Variants in TNRC18 observed in about 807,000 individuals in gnomAD.
The protein encoded by TNRC18 is trinucleotide repeat containing 18.
Under a neutral mutation model 226.7 loss-of-function variants are expected in TNRC18, and 69 were observed. The ratio of observed to expected loss-of-function variants is 0.30; its 90% confidence interval spans 0.25 to 0.37. The LOEUF (loss-of-function observed/expected upper bound fraction) is 0.37. Among genes scored for constraint, TNRC18 ranks in the 10% least tolerant of loss-of-function variants. TNRC18 has a pLI of 1.00. For synonymous variants in TNRC18, 2,449 were observed against 1,927.6 expected (o/e 1.27, Z -7.09); for missense variants, 4,754 against 4,256.6 (o/e 1.12, Z -3.25).
intron 10 of TNRC18, among the ~76,000 whole-genome samples, chr7:5,373,213 G>A (rs1280230519): frequency 6.6e-6 from 1 of 152,130 alleles, no homozygotes; most frequent in African/African-American, 2.4e-5. Flanking sequence ...GGTCCCAGCT[G>A]CTTGAGAGGC....
Position 5,312,490 on chromosome 7 carries a change from C to A in TNRC18, c.8388+13G>T, listed in dbSNP as rs759231738. The A allele has an allele frequency of 3.1e-5, 50 of 1,609,180 alleles. No individual in the cohort carries two copies. Among genetic ancestry groups the A allele is most frequent in the Middle Eastern group, 2.2e-4 (1 of 4,586 alleles). On this transcript the variant is annotated intron_variant, in intron 27 of 29. Coordinates refer to ENST00000430969, the MANE Select transcript of TNRC18 (RefSeq NM_001080495.3). This position sits in a 1 kb window ranked among gnomAD's most constrained non-coding sequence, Gnocchi z 6.3. Reference sequence around the variant, plus strand: ...CCGGCCCCTCGGCCGTGCCCGGGCGCGAGCTTGCTCACCTGGGTGGGCTTG... The same window carrying A: ...CCGGCCCCTCGGCCGTGCCCGGGCGAGAGCTTGCTCACCTGGGTGGGCTTG...
chr7:5,337,268 T>C (rs563437474), intron 18 of TNRC18, among the ~76,000 whole-genome samples: 64 of 151,604 alleles, frequency 4.2e-4, no homozygotes, highest in South Asian at 1.9e-3. Context: ...CAAAATTCTA[T>C]ATCCAGTAAA....
Position 5,362,051 on chromosome 7 carries a change from AGAG to A in TNRC18, c.4396-21_4396-19del, listed in dbSNP as rs772319181. On this transcript the variant is annotated intron_variant, in intron 12 of 29. Transcript: ENST00000430969. Reference sequence around the variant, plus strand: ...GCATACATCTGGGGGAAGAACCGGGAGAGGAGGAGGGGGTGAGGATGCCACTGC... The same window carrying A: ...GCATACATCTGGGGGAAGAACCGGGAGAGGAGGGGGTGAGGATGCCACTGC... The A allele has an allele frequency of 3.7e-6, 6 of 1,610,648 alleles. No homozygotes were observed. The highest frequency in any genetic ancestry group is 3.3e-5 in the Admixed American group (2 of 59,706).
chr7:5,356,473 G>C (rs1000146322), intron 16 of TNRC18, among the ~76,000 whole-genome samples: 2 of 152,232 alleles, frequency 1.3e-5, no homozygotes, highest in African/African-American at 4.8e-5. Flanking sequence ...CGCAACAGAC[G>C]GCATGCTTCC....
chr7:5,394,507 C>A lies in TNRC18; in HGVS notation c.276G>T (p.Leu92=). The change falls in exon 3 of 30, where the codon CTG becomes CTT. Residue 92 remains leucine, a synonymous_variant. Coordinates refer to ENST00000430969, the MANE Select transcript of TNRC18 (RefSeq NM_001080495.3). This position sits in a 1 kb window ranked among gnomAD's most constrained non-coding sequence, Gnocchi z 4.5. ...TGCTAGGGGTTGGGGAGCGGAAAGACAGGTCAGAGGGCAGTGGCACTGGGC... is the reference window on the plus strand; with the variant it reads ...TGCTAGGGGTTGGGGAGCGGAAAGAAAGGTCAGAGGGCAGTGGCACTGGGC... ...HGSPVPLPSD[L]SFRSPTPSNL... is the part of the protein sequence containing the mutation. 1 of 1,557,756 alleles carries A rather than the reference C, an allele frequency of 6.4e-7. No homozygotes were observed. Among genetic ancestry groups the A allele is most frequent in the Non-Finnish European group, 8.7e-7 (1 of 1,152,692 alleles).
intron 2 of TNRC18, 170 bp downstream of exon 2, chr7:5,420,890 C>CGGGGCCGCCGGA: frequency 1.2e-6 from 1 of 867,166 alleles, no homozygotes; most frequent in Middle Eastern, 2.1e-4. Context: ...TCTCCACCGC[C>CGGGGCCGCCGGA]TTGGCTCCGG....
At position 5,388,050 on chromosome 7, in the gene TNRC18, T is replaced by G; in HGVS notation, c.1774A>C (p.Ser592Arg). 6.4e-7 allele frequency: 1 copy of G among 1,561,892 alleles called. No homozygotes were observed. Among genetic ancestry groups the G allele is most frequent in the Non-Finnish European group, 8.7e-7 (1 of 1,153,838 alleles). ...ASAMQSLIKY[S>R]GSFARDAVAV... is the part of the protein sequence containing the mutation. ...ACGGCGTCCCGGGCAAAGCTGCCAC[T>G]GTACTTTATAAGGCTCTGCATGGCC... Residue 592 changes from serine (S) to arginine (R), a missense_variant, in exon 5 of 30, where the codon AGT becomes CGT. By Grantham distance (110) the Ser-to-Arg change is moderately radical. Coordinates refer to ENST00000430969, the MANE Select transcript of TNRC18 (RefSeq NM_001080495.3).
intron 17 of TNRC18, among the ~76,000 whole-genome samples, chr7:5,349,609 C>A (rs1183430274): frequency 6.6e-6 from 1 of 152,190 alleles, no homozygotes; most frequent in Non-Finnish European, 1.5e-5. Flanking sequence ...TACGGAGCAA[C>A]GAGCCAGGCT....
chr7:5,404,037 G>A (rs1197688962), intron 2 of TNRC18, among the ~76,000 whole-genome samples: 1 of 152,180 alleles, frequency 6.6e-6, no homozygotes, highest in African/African-American at 2.4e-5. Context: ...CAAAGAATGG[G>A]TTAACACTCT....
intron 22 of TNRC18, 137 bp downstream of exon 22, chr7:5,320,936 G>C: frequency 1.5e-6 from 1 of 681,406 alleles, no homozygotes; most frequent in East Asian, 2.8e-5. Flanking sequence ...TCAGCTCTGA[G>C]CCCACTCATG....
rs1786653122 is a variant in TNRC18, at chr7:5,307,412, T to C, written c.*694A>G. On this transcript the variant is annotated 3_prime_UTR_variant, in exon 30 of 30. Transcript: ENST00000430969. ...CTCCTGGGTGGGGAGGGGCCAGGCG[T>C]GGCCGGGCGACAGTTTCAGCACCAT... The C allele has an allele frequency of 3.1e-6, 1 of 322,780 alleles. No individual in the cohort carries two copies. Among genetic ancestry groups the C allele is most frequent in the Non-Finnish European group, 6.4e-6 (1 of 156,698 alleles). 20.0% of individuals were successfully genotyped at this position (322,780 alleles called of 1,614,324 possible).
intron 5 of TNRC18, among the ~76,000 whole-genome samples, chr7:5,382,634 C>G (rs867775032): frequency 6.6e-6 from 1 of 152,328 alleles, no homozygotes. Flanking sequence ...CCAGCCGCCC[C>G]CTGTGAAGCT....
chr7:5,357,505 A>G lies in TNRC18; in HGVS notation c.4834-229T>C, dbSNP rs543337447. 5.3e-5 allele frequency among the ~76,000 whole-genome samples: 8 copies of G among 152,054 alleles called. No individual in the cohort carries two copies. The East Asian group carries it at 9.7e-4, about 18-fold the overall frequency. Reference sequence around the variant, plus strand: ...CGGCTCACTGCAACCTCCACCTCCCAGGTCCAAGCATTTCTCCTGCCTCAG... The same window carrying G: ...CGGCTCACTGCAACCTCCACCTCCCGGGTCCAAGCATTTCTCCTGCCTCAG... On this transcript the variant is annotated intron_variant, in intron 15 of 29. Transcript: ENST00000430969.
rs972144664 is a variant in TNRC18, at chr7:5,317,945, C to T, written c.6746-1873G>A. 1.8e-4 allele frequency among the ~76,000 whole-genome samples: 28 copies of T among 151,806 alleles called. 1 individual carries two copies. Among genetic ancestry groups the T allele is most frequent in the Non-Finnish European group, 5.9e-5 (4 of 67,968 alleles). Reference sequence around the variant, plus strand: ...AGTGCAGCGGTGTGATCTCGGCTCACTGCAACCTCTACTTCCCGGGTTCAG... The same window carrying T: ...AGTGCAGCGGTGTGATCTCGGCTCATTGCAACCTCTACTTCCCGGGTTCAG... On this transcript the variant is annotated intron_variant, in intron 24 of 29. Coordinates refer to ENST00000430969, the MANE Select transcript of TNRC18 (RefSeq NM_001080495.3).
chr7:5,390,674 T>A, intron 3 of TNRC18, 46 bp from the exon 4 acceptor site: 1 of 1,459,354 alleles, frequency 6.9e-7, no homozygotes, highest in Non-Finnish European at 9.1e-7. Flanking sequence ...TTCGTGCTGC[T>A]CACCAGGAGC....
At chr7:5,412,704 T>C (rs1212643473) in intron 2 of TNRC18, among the ~76,000 whole-genome samples, 1 of 152,222 alleles carries the variant, frequency 6.6e-6, no homozygotes, top group African/African-American at 2.4e-5. Context: ...AGTCATCACA[T>C]GCCCTTTAAC....
intron 18 of TNRC18, 45 bp downstream of exon 18, chr7:5,345,517 G>GCCCCCCCCCCCCCCCCCCCCCCCCCCCC: frequency 1.3e-5 from 5 of 377,744 alleles, no homozygotes; most frequent in Non-Finnish European, 2.4e-5. Context: ...AATGGCGTCC[G>GCCCCCCCCCCCCCCCCCCCCCCCCCCCC]CCCCTCCCAC....
rs1282209433 is a variant in TNRC18 at position 5,309,481 on chromosome 7, A to G, written c.8389-113T>C. ...GCCCTCGGCCTCTAAATCAACCCCT[A>G]TCCAACTGTGGGGAGATGAGGAAGC... On this transcript the variant is annotated intron_variant, in intron 27 of 29. Coordinates refer to ENST00000430969, the MANE Select transcript of TNRC18 (RefSeq NM_001080495.3). The surrounding 1 kb of genome is among the most constrained non-coding windows in gnomAD (Gnocchi z 5.7). 2 of 851,568 alleles carry G rather than the reference A, an allele frequency of 2.3e-6. No homozygotes were observed. Among genetic ancestry groups the G allele is most frequent in the Non-Finnish European group, 3.6e-6 (2 of 552,808 alleles). 52.8% of individuals were successfully genotyped at this position (851,568 alleles called of 1,614,324 possible).
chr7:5,356,706 G>A (rs1420560172), intron 16 of TNRC18, among the ~76,000 whole-genome samples: 1 of 152,028 alleles, frequency 6.6e-6, no homozygotes, highest in South Asian at 2.1e-4. Flanking sequence ...CATCACACCC[G>A]CCAGTCACAG....
Sources: allele counts gnomAD v4.1 joint callset (sites outside exome capture counted in the v4.1 genomes callset), GRCh38; gene constraint gnomAD v4.1.1; non-coding constraint Gnocchi (gnomAD v3.1); transcripts MANE v1.5; gene names NCBI Gene and HGNC (gene_info 2026-07-23, HGNC 2026-07-21).